The following CD99 variants were observed in gnomAD, a reference collection of about 807,000 sequenced individuals.
The protein encoded by CD99 is CD99 molecule (Xg blood group).
CD99 carries 19 observed loss-of-function variants against 28.4 expected under a neutral mutation model. That is an observed-to-expected ratio of 0.67 (90% CI 0.47 to 0.98). The LOEUF is 0.98. CD99 is among the 50% of genes least tolerant of loss of function. The pLI, the probability that CD99 is intolerant of heterozygous loss-of-function variation, is 0.00. For missense variants in CD99, 283 were observed against 248.8 expected, an observed-to-expected ratio of 1.14 and a Z score of -0.92; for synonymous variants, 103 against 92.1, an observed-to-expected ratio of 1.12 and a Z score of -0.67.
intron 3 of CD99, among the ~76,000 whole-genome samples, chrX:2,718,898 A>C (rs2048868319): frequency 6.6e-6 from 1 of 152,150 alleles, no homozygotes; most frequent in Non-Finnish European, 1.5e-5. Context: ...TCAGCTCATG[A>C]GCAAAGGGAC....
At chrX:2,728,109 C>T (rs1389122028) in intron 8 of CD99, among the ~76,000 whole-genome samples, 5 of 152,014 alleles carry the variant, frequency 3.3e-5, no homozygotes, top group Non-Finnish European at 5.9e-5. Flanking sequence ...GTTTATTTCC[C>T]CGTTCTTGCT....
chrX:2,735,867 G>A (rs1399518283), intron 8 of CD99, among the ~76,000 whole-genome samples: 1 of 152,100 alleles, frequency 6.6e-6, no homozygotes, highest in Non-Finnish European at 1.5e-5. Flanking sequence ...TGGAGTTCAC[G>A]TAGCGTAAAC....
At chrX:2,735,372 TAA>T (rs1449162054) in intron 8 of CD99, among the ~76,000 whole-genome samples, 10 of 152,202 alleles carry the variant, frequency 6.6e-5, no homozygotes, top group African/African-American at 2.4e-4. Flanking sequence ...ATGCTTGGTC[TAA>T]GTTTTGACAG....
At chrX:2,733,222 A>G in intron 8 of CD99, 1 of 916,340 alleles carries the variant, frequency 1.1e-6, no homozygotes, top group South Asian at 1.4e-5. Context: ...CCTCTATCCC[A>G]TTACTTCCTT....
Position 2,741,040 on chromosome X carries a change from G to GC in CD99, c.*236_*237insC. 1.7e-6 allele frequency: 1 copy of GC among 581,148 alleles called. No homozygotes were observed. The allele number at this position is 581,148 out of a possible 1,614,324, so 36.0% of individuals were successfully genotyped here. On this transcript the variant is annotated 3_prime_UTR_variant, in exon 10 of 10. Coordinates refer to ENST00000381192, the MANE Select transcript of CD99 (RefSeq NM_002414.5). ...TTGGACCCCCATTCTCCAAGGCCCGGGGGGGCGGTTTCCCATGGGATGTGA... is the reference window on the plus strand; with the variant it reads ...TTGGACCCCCATTCTCCAAGGCCCGGCGGGGGCGGTTTCCCATGGGATGTGA...
intron 1 of CD99, among the ~76,000 whole-genome samples, chrX:2,706,793 T>C (rs748311839): frequency 6.6e-6 from 1 of 152,218 alleles, no homozygotes; most frequent in African/African-American, 2.4e-5. Context: ...GTTACAGGAA[T>C]CTTGGAACTG....
At chrX:2,735,007 T>A (rs1372902691) in intron 8 of CD99, among the ~76,000 whole-genome samples, 1 of 152,098 alleles carries the variant, frequency 6.6e-6, no homozygotes. Context: ...AGAGGTCACC[T>A]TTACAGCCCC....
chrX:2,718,205 A>G (rs1259552013), intron 3 of CD99, among the ~76,000 whole-genome samples: 1 of 151,850 alleles, frequency 6.6e-6, no homozygotes, highest in African/African-American at 2.4e-5. Flanking sequence ...TGCTGGGATT[A>G]CAGCGGTGAG....
chrX:2,709,619 G>A lies in CD99; in HGVS notation c.68-4803G>A, dbSNP rs191698844. ...GCAGGAGCACACACGTGCACACACA[G>A]AAACCACATGAATGCATGAGCACGC... On this transcript the variant is annotated intron_variant, in intron 1 of 9. Coordinates refer to ENST00000381192, the MANE Select transcript of CD99 (RefSeq NM_002414.5). 3.9e-5 allele frequency among the ~76,000 whole-genome samples: 6 copies of A among 152,310 alleles called. No individual in the cohort carries two copies. In the South Asian group the frequency reaches 6.2e-4, roughly 16 times the overall value.
chrX:2,706,533 A>G (rs2124509882), intron 1 of CD99, among the ~76,000 whole-genome samples: 1 of 152,294 alleles, frequency 6.6e-6, no homozygotes, highest in South Asian at 2.1e-4. Context: ...GAAAACCAGC[A>G]GGAGCAGATG....
chrX:2,721,387 C>T (rs1331622203), intron 5 of CD99, among the ~76,000 whole-genome samples: 1 of 152,004 alleles, frequency 6.6e-6, no homozygotes, highest in African/African-American at 2.4e-5. Context: ...CCTCCAACTC[C>T]TGGGCTAGAG....
At chrX:2,725,525 C>A (rs558254861) in intron 7 of CD99, among the ~76,000 whole-genome samples, 3 of 152,312 alleles carry the variant, frequency 2.0e-5, no homozygotes, top group South Asian at 4.1e-4. Flanking sequence ...TTGGCAAATG[C>A]CCCAAGCATT....
intron 9 of CD99, among the ~76,000 whole-genome samples, chrX:2,739,521 C>T (rs986972051): frequency 6.6e-6 from 1 of 151,976 alleles, no homozygotes; most frequent in Non-Finnish European, 1.5e-5. Context: ...GCGACCTCTG[C>T]TCACTGCAAC....
intron 1 of CD99, among the ~76,000 whole-genome samples, chrX:2,713,267 GCA>G (rs1165770996): frequency 1.3e-5 from 2 of 150,466 alleles, no homozygotes; most frequent in African/African-American, 4.9e-5. Flanking sequence ...ACCTACATAT[GCA>G]CACACAAACC....
intron 8 of CD99, among the ~76,000 whole-genome samples, chrX:2,735,284 G>A (rs1316685958): frequency 1.3e-5 from 2 of 152,180 alleles, no homozygotes; most frequent in African/African-American, 4.8e-5. Flanking sequence ...TTGCTGAATG[G>A]TTCTAATAGC....
chrX:2,719,748 T>C, intron 4 of CD99, 43 bp downstream of exon 4: 2 of 1,560,620 alleles, frequency 1.3e-6, no homozygotes, highest in South Asian at 1.1e-5. Context: ...GATCTGCTTA[T>C]TATCACCCAA....
In CD99 at chrX:2,719,706, G is replaced by T. The variant is rs2048904775; in HGVS notation, c.193+1G>T. 1 of 1,613,582 alleles carries T rather than the reference G, an allele frequency of 6.2e-7. No homozygotes were observed. The highest frequency in any genetic ancestry group is 8.5e-7 in the Non-Finnish European group (1 of 1,179,558). Reference sequence around the variant, plus strand: ...GATGCTGTTGTTGATGGAGAAAATGGTGAGTATTTTCCTTTAATCTCTTCT... The same window carrying T: ...GATGCTGTTGTTGATGGAGAAAATGTTGAGTATTTTCCTTTAATCTCTTCT... On this transcript the variant is annotated splice_donor_variant, in intron 4 of 9. Coordinates refer to ENST00000381192, the MANE Select transcript of CD99 (RefSeq NM_002414.5). LOFTEE classifies it high-confidence loss of function.
intron 2 of CD99, 36 bp from the exon 3 acceptor site, chrX:2,717,569 G>T: frequency 6.4e-7 from 1 of 1,551,672 alleles, no homozygotes; most frequent in Non-Finnish European, 8.9e-7. Context: ...TTTCCCAGCT[G>T]CAACTTTTAC....
At chrX:2,693,734 G>C (rs1400868550) in intron 1 of CD99, among the ~76,000 whole-genome samples, 1 of 152,150 alleles carries the variant, frequency 6.6e-6, no homozygotes, top group African/African-American at 2.4e-5. Context: ...GTGGGATGTG[G>C]TGAGGGATGG....
Sources: allele counts gnomAD v4.1 joint callset (sites outside exome capture counted in the v4.1 genomes callset), GRCh38; gene constraint gnomAD v4.1.1; transcripts MANE v1.5; gene names NCBI Gene and HGNC (gene_info 2026-07-23, HGNC 2026-07-21).